Variants in GSG1L observed in about 807,000 individuals in gnomAD.
The protein encoded by GSG1L is germ cell-specific gene 1-like protein.
Under a neutral mutation model 42.1 loss-of-function variants are expected in GSG1L, and 24 were observed. The observed-to-expected ratio is 0.57, with a 90% CI of 0.41 to 0.80. GSG1L has a LOEUF of 0.80. Among genes scored for constraint, GSG1L ranks in the 30% least tolerant of loss-of-function variants. The pLI is 0.00. For missense variants in GSG1L, 445 were observed against 472.2 expected (o/e 0.94, Z 0.53); for synonymous variants, 215 against 203.5 (o/e 1.06, Z -0.48).
At chr16:27,949,082 T>TA (rs1470447666) in intron 2 of GSG1L, among the ~76,000 whole-genome samples, 4 of 151,970 alleles carry the variant, frequency 2.6e-5, no homozygotes, top group South Asian at 4.2e-4. Context: ...CATGCGCAGC[T>TA]AATTTTTTAT....
At chr16:27,893,419 G>A (rs2084152392) in intron 2 of GSG1L, among the ~76,000 whole-genome samples, 1 of 152,258 alleles carries the variant, frequency 6.6e-6, no homozygotes, top group South Asian at 2.1e-4. Context: ...TGCCCGTAGG[G>A]TTCCTCATTC....
chr16:27,931,042 G>A (rs900978014), intron 2 of GSG1L, among the ~76,000 whole-genome samples: 3 of 152,146 alleles, frequency 2.0e-5, no homozygotes, highest in Non-Finnish European at 2.9e-5. Context: ...GTGAGCCACC[G>A]TGCCTGGCCA....
intron 3 of GSG1L, among the ~76,000 whole-genome samples, chr16:27,869,562 CCTCT>C (rs1335921662): frequency 1.4e-5 from 2 of 138,342 alleles, no homozygotes; most frequent in East Asian, 2.4e-4. Context: ...ATCTCTCTCT[CCTCT>C]CTGTCTCCCT....
chr16:27,979,566 CAAA>C (rs554553352), intron 1 of GSG1L, among the ~76,000 whole-genome samples: 5 of 96,548 alleles, frequency 5.2e-5, no homozygotes, highest in Non-Finnish European at 1.0e-4. Context: ...GAGAATCCAT[CAAA>C]AAAAAAAAAA....
Position 27,844,834 on chromosome 16 carries a change from C to T in GSG1L, c.662+116G>A, listed in dbSNP as rs1178525106. The T allele has an allele frequency of 3.0e-5, 9 of 300,732 alleles. 1 individual carries two copies. The highest frequency in any genetic ancestry group is 6.5e-5 in the East Asian group (1 of 15,276). The allele number at this position is 300,732 out of a possible 1,614,324, so 18.6% of individuals were successfully genotyped here. On this transcript the variant is annotated intron_variant, in intron 4 of 6. Transcript: ENST00000447459. ...CCTTTGGACTACAGCCCCTCCAACT[C>T]TCCCCATTTCTCCTCCCCCCCACCG...
In GSG1L at chr16:27,792,362, CACACTTAGTGGACTGG is replaced by C. The variant is rs1597453449; in HGVS notation, c.899-911_899-896del. On this transcript the variant is annotated intron_variant, in intron 6 of 6. Transcript: ENST00000447459. ...GCAGGGGGCACCTGCCACTGTCTAC[CACACTTAGTGGACTGG>C]ACAAGGGGAAGGGCTGGAAAGGCTC... 3.9e-5 allele frequency among the ~76,000 whole-genome samples: 6 copies of C among 152,268 alleles called. No individual in the cohort carries two copies. The East Asian group carries it at 1.2e-3, about 29-fold the overall frequency.
chr16:28,020,661 C>T (rs2085832276), intron 1 of GSG1L, among the ~76,000 whole-genome samples: 1 of 152,132 alleles, frequency 6.6e-6, no homozygotes. Context: ...CTTGTGTGAC[C>T]AACAACTGCA....
At chr16:27,964,254 T>C (rs1316899562) in intron 1 of GSG1L, among the ~76,000 whole-genome samples, 1 of 149,964 alleles carries the variant, frequency 6.7e-6, no homozygotes, top group Non-Finnish European at 1.5e-5. Context: ...TGCTTGAACC[T>C]GGGAGGCAGA....
At chr16:27,979,840 GAA>G (rs2085306163) in intron 1 of GSG1L, among the ~76,000 whole-genome samples, 1 of 139,734 alleles carries the variant, frequency 7.2e-6, no homozygotes, top group Non-Finnish European at 1.6e-5. Context: ...GAGAGAGAGA[GAA>G]AGGAAGGAAG....
chr16:27,936,572 G>A (rs766175210), intron 2 of GSG1L, among the ~76,000 whole-genome samples: 66 of 152,144 alleles, frequency 4.3e-4, no homozygotes, highest in Non-Finnish European at 1.8e-4. Context: ...CAGGCTTCTC[G>A]TACAGCCTGC....
intron 2 of GSG1L, among the ~76,000 whole-genome samples, chr16:27,927,102 A>G (rs919016156): frequency 3.3e-5 from 5 of 151,840 alleles, no homozygotes; most frequent in Non-Finnish European, 7.4e-5. Context: ...AGCCCCTCCA[A>G]TCTACTCCCA....
At chr16:27,922,217 A>G (rs1246785188) in intron 2 of GSG1L, among the ~76,000 whole-genome samples, 1 of 151,966 alleles carries the variant, frequency 6.6e-6, no homozygotes. Context: ...TGTGGCCTCA[A>G]GAACGTCAAA....
rs961624716 is a variant in GSG1L, at chr16:27,797,558, C to T, written c.899-6091G>A. On this transcript the variant is annotated intron_variant, in intron 6 of 6. Coordinates refer to ENST00000447459, the MANE Select transcript of GSG1L (RefSeq NM_001109763.2). ...AAAAAAAGGGCCGGGCGCGGTGGCT[C>T]ACGCCTGTAATCCCAGCACTTTGGG... 3.2e-4 allele frequency among the ~76,000 whole-genome samples: 46 copies of T among 142,976 alleles called. 1 individual carries two copies. Among genetic ancestry groups the T allele is most frequent in the African/African-American group, 1.2e-3 (45 of 38,090 alleles). The allele number at this position is 142,976 out of a possible 152,430, so 93.8% of individuals were successfully genotyped here.
intron 1 of GSG1L, among the ~76,000 whole-genome samples, chr16:28,058,191 C>T (rs78781705): frequency 0.024 from 3,683 of 152,272 alleles, 167 homozygotes; most frequent in African/African-American, 0.085. Flanking sequence ...AGCCTCCCGC[C>T]TGGGTGCACA....
At chr16:27,912,258 A>C (rs146916304) in intron 2 of GSG1L, among the ~76,000 whole-genome samples, 99 of 152,302 alleles carry the variant, frequency 6.5e-4, no homozygotes, top group Non-Finnish European at 1.0e-3. Flanking sequence ...TCATGCCTAT[A>C]ATCCTAGCAC....
At chr16:27,892,063 G>GA (rs1314506036) in intron 2 of GSG1L, among the ~76,000 whole-genome samples, 1 of 151,858 alleles carries the variant, frequency 6.6e-6, no homozygotes, top group Admixed American at 6.6e-5. Context: ...GAAACTCTGA[G>GA]AGTAAAAATC....
At chr16:27,816,676 C>G (rs2083097221) in intron 5 of GSG1L, among the ~76,000 whole-genome samples, 2 of 152,208 alleles carry the variant, frequency 1.3e-5, no homozygotes, top group Non-Finnish European at 2.9e-5. Flanking sequence ...TCTATGACAT[C>G]ACTGAATGTG....
In GSG1L at chr16:27,788,433, C is replaced by T. The variant is rs1419258302; in HGVS notation, c.*2937G>A. ...GCATCTCACTGCCCACTCCCCATTG[C>T]CCCAGGGTAAACTCTAAGCTCCCTA... On this transcript the variant is annotated 3_prime_UTR_variant, in exon 7 of 7. Coordinates refer to ENST00000447459, the MANE Select transcript of GSG1L (RefSeq NM_001109763.2). The T allele has an allele frequency of 1.3e-5, 2 of 152,264 alleles. No homozygotes were observed. Among genetic ancestry groups the T allele is most frequent in the African/African-American group, 4.8e-5 (2 of 41,410 alleles). 9.4% of individuals were successfully genotyped at this position (152,264 alleles called of 1,614,324 possible).
At chr16:27,943,972 C>T (rs572290711) in intron 2 of GSG1L, among the ~76,000 whole-genome samples, 2 of 152,182 alleles carry the variant, frequency 1.3e-5, no homozygotes, top group African/African-American at 2.4e-5. Flanking sequence ...GTGGGAGTTG[C>T]TGTGTTCTGA....
Sources: allele counts gnomAD v4.1 joint callset (sites outside exome capture counted in the v4.1 genomes callset), GRCh38; gene constraint gnomAD v4.1.1; transcripts MANE v1.5; gene names NCBI Gene and HGNC (gene_info 2026-07-23, HGNC 2026-07-21).